The following AGAP1 variants were observed in gnomAD, a reference collection of about 807,000 sequenced individuals.
AGAP1 encodes the protein ArfGAP with GTPase domain, ankyrin repeat and PH domain 1.
A neutral mutation model predicts 105.3 loss-of-function variants in AGAP1; 29 were observed. That is an observed-to-expected ratio of 0.28 (90% CI 0.21 to 0.38). The LOEUF (loss-of-function observed/expected upper bound fraction) is 0.38, where lower values mean the gene tolerates loss of function less well. AGAP1 is among the 10% of genes least tolerant of loss of function. AGAP1 has a pLI of 1.00. For missense variants in AGAP1, 998 were observed against 1,165.1 expected (o/e 0.86, Z 2.09); for synonymous variants, 509 against 485.9 (o/e 1.05, Z -0.63).
chr2:235,930,675 G>A lies in AGAP1; in HGVS notation c.1325-90G>A. The A allele has an allele frequency of 3.0e-6, 4 of 1,343,492 alleles. No individual in the cohort carries two copies. Among genetic ancestry groups the A allele is most frequent in the South Asian group, 2.8e-5 (2 of 71,426 alleles). The allele number at this position is 1,343,492 out of a possible 1,614,324, so 83.2% of individuals were successfully genotyped here. On this transcript the variant is annotated intron_variant, in intron 11 of 17. Coordinates refer to ENST00000304032, the MANE Select transcript of AGAP1 (RefSeq NM_001037131.3). The surrounding 1 kb of genome is among the most constrained non-coding windows in gnomAD (Gnocchi z 7.9). ...TGCTCTCGGTGGTAAGGTGCACTATGTGCCAGCGTGTGGGTCCCATAGACT... is the reference window on the plus strand; with the variant it reads ...TGCTCTCGGTGGTAAGGTGCACTATATGCCAGCGTGTGGGTCCCATAGACT...
At chr2:236,030,985 A>G (rs537970416) in intron 13 of AGAP1, among the ~76,000 whole-genome samples, 4 of 152,352 alleles carry the variant, frequency 2.6e-5, no homozygotes, top group South Asian at 2.1e-4. Context: ...TGATTAGAAT[A>G]GCATTGTAAT....
rs186735393 is a variant in AGAP1 at position 235,623,464 on chromosome 2, A to G, written c.164-85715A>G. ...TTGGGATTTGCTGCTTCAAGGTTTC[A>G]GGATGACACAAGCCATCGGGTTGAG... On this transcript the variant is annotated intron_variant, in intron 1 of 17. Transcript: ENST00000304032. This position sits in a 1 kb window ranked among gnomAD's most constrained non-coding sequence, Gnocchi z 4.5. Among the ~76,000 whole-genome samples, 4 of 152,326 alleles carry G rather than the reference A, an allele frequency of 2.6e-5. No homozygotes were observed. The highest frequency in any genetic ancestry group is 6.5e-5 in the Admixed American group (1 of 15,302).
chr2:235,584,902 C>CTTT (rs10629736), intron 1 of AGAP1, among the ~76,000 whole-genome samples: 15,569 of 98,246 alleles, frequency 0.16, 1,401 homozygotes, highest in East Asian at 0.3. Flanking sequence ...AAGTCATTAC[C>CTTT]TTTTTTTTTT....
chr2:235,799,237 G>A lies in AGAP1; in HGVS notation c.802-130G>A, dbSNP rs756615749. On this transcript the variant is annotated intron_variant, in intron 7 of 17. Coordinates refer to ENST00000304032, the MANE Select transcript of AGAP1 (RefSeq NM_001037131.3). This position sits in a 1 kb window ranked among gnomAD's most constrained non-coding sequence, Gnocchi z 5.0. The stretch of plus-strand genomic sequence containing the variant: ...TAATACACCTGGCAAAGCCATAGAC[G>A]CAAGTCAGCCATTCCCATGCATCCC... The A allele has an allele frequency of 1.6e-4, 166 of 1,021,686 alleles. No individual in the cohort carries two copies. In the African/African-American group the frequency reaches 1.9e-3, roughly 12 times the overall value. The allele number at this position is 1,021,686 out of a possible 1,614,324, so 63.3% of individuals were successfully genotyped here.
intron 12 of AGAP1, among the ~76,000 whole-genome samples, chr2:235,933,828 G>A (rs1310160710): frequency 6.6e-6 from 1 of 152,198 alleles, no homozygotes; most frequent in African/African-American, 2.4e-5. Flanking sequence ...ACCGCGCCCG[G>A]CCTTTCTAAG....
intron 13 of AGAP1, among the ~76,000 whole-genome samples, chr2:236,030,201 C>CG (rs1329813410): frequency 3.3e-5 from 5 of 152,148 alleles, no homozygotes; most frequent in African/African-American, 1.2e-4. Context: ...TCTCTAGAGA[C>CG]GGGGTCTCAC....
rs35162508 is a variant in AGAP1, at chr2:235,769,832, AG to A, written c.673+19348del. 6.6e-6 allele frequency among the ~76,000 whole-genome samples: 1 copy of A among 152,154 alleles called. No homozygotes were observed. The highest frequency in any genetic ancestry group is 1.5e-5 in the Non-Finnish European group (1 of 68,010). ...TGTTAGCTGAGTTCTGCTTTGGCAC[AG>A]GGGAGGGAGGACATGGCCCTCGGCT... On this transcript the variant is annotated intron_variant, in intron 6 of 17. Transcript: ENST00000304032. The surrounding 1 kb of genome is among the most constrained non-coding windows in gnomAD (Gnocchi z 4.4).
Position 235,879,925 on chromosome 2 carries a change from C to T in AGAP1, c.1051-3420C>T, listed in dbSNP as rs528509915. 7.6e-4 allele frequency among the ~76,000 whole-genome samples: 116 copies of T among 151,954 alleles called. No homozygotes were observed. The highest frequency in any genetic ancestry group is 1.2e-3 in the Admixed American group (18 of 15,244). On this transcript the variant is annotated intron_variant, in intron 9 of 17. Coordinates refer to ENST00000304032, the MANE Select transcript of AGAP1 (RefSeq NM_001037131.3). This position sits in a 1 kb window ranked among gnomAD's most constrained non-coding sequence, Gnocchi z 5.0. ...CTGCACTCCAACCTGGGCAACAGAG[C>T]GAGACCTTATCTCTACAAAAAACAG...
intron 1 of AGAP1, among the ~76,000 whole-genome samples, chr2:235,527,781 C>T (rs1161795170): frequency 1.3e-5 from 2 of 152,190 alleles, no homozygotes; most frequent in African/African-American, 4.8e-5. Context: ...TTTCAAGGTG[C>T]AGTGTTTTAG....
At position 235,633,156 on chromosome 2, in the gene AGAP1, G is replaced by GA. The variant is rs2149291339; in HGVS notation, c.164-76019dup. 6.6e-6 allele frequency among the ~76,000 whole-genome samples: 1 copy of GA among 152,288 alleles called. No homozygotes were observed. Among genetic ancestry groups the GA allele is most frequent in the South Asian group, 2.1e-4 (1 of 4,822 alleles). On this transcript the variant is annotated intron_variant, in intron 1 of 17. Transcript: ENST00000304032. The surrounding 1 kb of genome is among the most constrained non-coding windows in gnomAD (Gnocchi z 4.8). ...TGTAACAAAAGACAGGTTAACGAGA[G>GA]AAAAGCATTATACATTTACTTGATC...
At chr2:235,606,476 T>C (rs552741200) in intron 1 of AGAP1, among the ~76,000 whole-genome samples, 1 of 152,358 alleles carries the variant, frequency 6.6e-6, no homozygotes, top group African/African-American at 2.4e-5. Flanking sequence ...TCTGGGTTTA[T>C]GTTTGGAATG....
chr2:235,746,141 C>T lies in AGAP1; in HGVS notation c.538+1302C>T, dbSNP rs183736854. 8.7e-4 allele frequency among the ~76,000 whole-genome samples: 132 copies of T among 151,838 alleles called. 3 individuals are homozygous for T. In the East Asian group the frequency reaches 0.02, roughly 23 times the overall value. On this transcript the variant is annotated intron_variant, in intron 5 of 17. Transcript: ENST00000304032. ...ATTCTGTCTCAAAAAAATAAAAAGCCGGGCATGTTGGCGGGTGTCTGTAAT... is the reference window on the plus strand; with the variant it reads ...ATTCTGTCTCAAAAAAATAAAAAGCTGGGCATGTTGGCGGGTGTCTGTAAT...
chr2:235,768,496 A>G (rs1246273828), intron 6 of AGAP1, among the ~76,000 whole-genome samples: 1 of 152,248 alleles, frequency 6.6e-6, no homozygotes, highest in Non-Finnish European at 1.5e-5. Flanking sequence ...TGGGTATTTC[A>G]TCAGAGCGGA....
chr2:235,818,977 G>A lies in AGAP1; in HGVS notation c.1050+11646G>A, dbSNP rs190669620. Among the ~76,000 whole-genome samples the A allele has an allele frequency of 2.9e-4, 44 of 152,370 alleles. No individual in the cohort carries two copies. In the East Asian group the frequency reaches 4.8e-3, roughly 17 times the overall value. The stretch of plus-strand genomic sequence containing the variant: ...GTTTTACGCAGGGCTGTCCTGGAAA[G>A]TCTGTGCTGTCTGGCACCTGGATCA... On this transcript the variant is annotated intron_variant, in intron 9 of 17. Coordinates refer to ENST00000304032, the MANE Select transcript of AGAP1 (RefSeq NM_001037131.3).
chr2:235,819,724 G>A (rs1394816572), intron 9 of AGAP1, among the ~76,000 whole-genome samples: 1 of 151,970 alleles, frequency 6.6e-6, no homozygotes, highest in African/African-American at 2.4e-5. Context: ...TTATAGCTAT[G>A]TGCATCATTC....
At chr2:235,710,359 G>A (rs1031201316) in intron 2 of AGAP1, among the ~76,000 whole-genome samples, 1 of 152,226 alleles carries the variant, frequency 6.6e-6, no homozygotes, top group African/African-American at 2.4e-5. Context: ...AGGAAATGAA[G>A]TACAATGAGT....
intron 1 of AGAP1, among the ~76,000 whole-genome samples, chr2:235,634,576 A>G (rs1483854479): frequency 1.3e-5 from 2 of 152,174 alleles, no homozygotes; most frequent in Non-Finnish European, 2.9e-5. Context: ...ATTGCAGACT[A>G]ATTGTGACCA....
At chr2:235,697,964 G>A (rs561333626) in intron 1 of AGAP1, among the ~76,000 whole-genome samples, 7 of 152,258 alleles carry the variant, frequency 4.6e-5, no homozygotes, top group Middle Eastern at 3.4e-3. Context: ...AGCTGCAGTC[G>A]AAATTATCTT....
In AGAP1 at chr2:235,931,935, G is replaced by A. The variant is rs1361318053; in HGVS notation, c.1483+1012G>A. Among the ~76,000 whole-genome samples, 3 of 152,048 alleles carry A rather than the reference G, an allele frequency of 2.0e-5. No homozygotes were observed. Among genetic ancestry groups the A allele is most frequent in the African/African-American group, 4.8e-5 (2 of 41,396 alleles). On this transcript the variant is annotated intron_variant, in intron 12 of 17. Transcript: ENST00000304032. This position sits in a 1 kb window ranked among gnomAD's most constrained non-coding sequence, Gnocchi z 5.6. Reference sequence around the variant, plus strand: ...ACACACAGCGTCACGCGGCTGCCCCGGCTGGCCCATTCCCATCCCAGCGCC... The same window carrying A: ...ACACACAGCGTCACGCGGCTGCCCCAGCTGGCCCATTCCCATCCCAGCGCC...
Sources: gnomAD v4.1 joint callset for allele counts (sites outside exome capture counted in the v4.1 genomes callset) on GRCh38, gnomAD v4.1.1 for gene constraint, Gnocchi (gnomAD v3.1) non-coding constraint, MANE v1.5 for transcripts, NCBI Gene and HGNC (gene_info 2026-07-23, HGNC 2026-07-21) for gene names.